KHDRBS2: variants seen among roughly 807,000 people sequenced by gnomAD.
The protein encoded by KHDRBS2 is KH domain-containing, RNA-binding, signal transduction-associated protein 2.
Under a neutral mutation model 44.3 loss-of-function variants are expected in KHDRBS2, and 26 were observed. The observed-to-expected ratio is 0.59, with a 90% CI of 0.43 to 0.81. The LOEUF (loss-of-function observed/expected upper bound fraction) is 0.81, where lower values mean the gene tolerates loss of function less well. Ranked by LOEUF, KHDRBS2 falls within the 40% of genes least tolerant of loss-of-function variation. The probability of loss-of-function intolerance (pLI) is 0.00; values close to 1 mark genes in which losing one functional copy is unlikely to be tolerated. For missense variants in KHDRBS2, 476 were observed against 433.1 expected (o/e 1.10, Z -0.88); for synonymous variants, 194 against 151.1 (o/e 1.28, Z -2.08).
At position 62,169,034 on chromosome 6, in the gene KHDRBS2, CATATAT is replaced by C. The variant is rs369570219; in HGVS notation, c.219+8145_219+8150del. Among the ~76,000 whole-genome samples the C allele has an allele frequency of 3.6e-3, 260 of 72,588 alleles. 3 individuals carry two copies. Among genetic ancestry groups the C allele is most frequent in the East Asian group, 0.025 (56 of 2,276 alleles). 47.6% of individuals were successfully genotyped at this position (72,588 alleles called of 152,430 possible). ...TTAAGAATAGTGTTTGTTCTCCAGT[CATATAT>C]ATATATATATATATATATATATGTA... On this transcript the variant is annotated intron_variant, in intron 2 of 8. Coordinates refer to ENST00000281156, the MANE Select transcript of KHDRBS2 (RefSeq NM_152688.4).
the KHDRBS2 span, among the ~76,000 whole-genome samples, chr6:61,634,836 A>T: frequency 6.6e-6 from 1 of 152,028 alleles, no homozygotes; most frequent in Non-Finnish European, 1.5e-5. Flanking sequence ...AATACTGTGG[A>T]TACTTAAAAA....
chr6:62,130,485 T>C (rs1810030429), intron 2 of KHDRBS2, among the ~76,000 whole-genome samples: 1 of 152,184 alleles, frequency 6.6e-6, no homozygotes, highest in African/African-American at 2.4e-5. Context: ...TTACAATTGT[T>C]ATGAAGATAA....
intron 3 of KHDRBS2, among the ~76,000 whole-genome samples, chr6:62,002,581 T>G (rs1778458101): frequency 6.6e-6 from 1 of 151,266 alleles, no homozygotes; most frequent in Non-Finnish European, 1.5e-5. Flanking sequence ...TTTTTAAAAA[T>G]AAATTGTTTA....
chr6:61,988,021 C>A (rs536680105), intron 3 of KHDRBS2, among the ~76,000 whole-genome samples: 1 of 152,110 alleles, frequency 6.6e-6, no homozygotes, highest in Non-Finnish European at 1.5e-5. Flanking sequence ...TAAAAAGTAG[C>A]CCAGGATTCT....
rs796567285 is a variant in KHDRBS2, at chr6:61,808,953, A to G, written c.811-76189T>C. ...GAAATTCAATTAAATTTGGCATAAA[A>G]TGTGTTTAGAAAATTTGTTAAACGC... is the stretch of plus-strand genomic sequence containing the variant. On this transcript the variant is annotated intron_variant, in intron 6 of 8. Coordinates refer to ENST00000281156, the MANE Select transcript of KHDRBS2 (RefSeq NM_152688.4). 2.3e-3 allele frequency among the ~76,000 whole-genome samples: 343 copies of G among 152,216 alleles called. 2 individuals are homozygous for G. Among genetic ancestry groups the G allele is most frequent in the African/African-American group, 8.0e-3 (334 of 41,556 alleles).
At chr6:61,610,508 A>G in the KHDRBS2 span, among the ~76,000 whole-genome samples, 3 of 152,158 alleles carry the variant, frequency 2.0e-5, no homozygotes, top group Non-Finnish European at 1.5e-5. Flanking sequence ...ACAATGGCTG[A>G]GGCTGTAGTC....
the KHDRBS2 span, among the ~76,000 whole-genome samples, chr6:61,646,100 C>G: frequency 6.6e-6 from 1 of 152,090 alleles, no homozygotes. Flanking sequence ...AAGGATTAAA[C>G]GAGTCAGTCC....
chr6:61,631,335 A>AT, the KHDRBS2 span, among the ~76,000 whole-genome samples: 1 of 104,724 alleles, frequency 9.5e-6, no homozygotes. Context: ...AAAAAAAAAA[A>AT]AAGACAATAC....
intron 5 of KHDRBS2, among the ~76,000 whole-genome samples, chr6:61,897,131 T>A (rs947837375): frequency 2.0e-5 from 3 of 152,156 alleles, no homozygotes; most frequent in African/African-American, 7.2e-5. Context: ...GTTCCTTATA[T>A]CAGAAGTTTC....
At chr6:61,786,401 A>G (rs1783814720) in intron 6 of KHDRBS2, among the ~76,000 whole-genome samples, 1 of 152,064 alleles carries the variant, frequency 6.6e-6, no homozygotes, top group Non-Finnish European at 1.5e-5. Flanking sequence ...TTAATAAGCA[A>G]TTTGAATGAA....
chr6:62,206,781 C>G (rs987158459), intron 1 of KHDRBS2, among the ~76,000 whole-genome samples: 1 of 151,908 alleles, frequency 6.6e-6, no homozygotes, highest in Non-Finnish European at 1.5e-5. Context: ...ATGACTCTTA[C>G]GTGGACAGTA....
At chr6:61,637,266 G>A in the KHDRBS2 span, among the ~76,000 whole-genome samples, 1 of 150,904 alleles carries the variant, frequency 6.6e-6, no homozygotes, top group African/African-American at 2.4e-5. Context: ...TTCCACCTAT[G>A]AGTGAGAATA....
chr6:62,156,927 C>T (rs1469313229), intron 2 of KHDRBS2, among the ~76,000 whole-genome samples: 10 of 149,520 alleles, frequency 6.7e-5, no homozygotes, highest in East Asian at 2.0e-4. Flanking sequence ...CCTCGTGATC[C>T]GCCCGCCTCG....
intron 6 of KHDRBS2, among the ~76,000 whole-genome samples, chr6:61,764,430 C>T (rs1779703860): frequency 6.6e-6 from 1 of 152,122 alleles, no homozygotes. Flanking sequence ...AATGGTTGAA[C>T]TATTAGGTTG....
intron 2 of KHDRBS2, among the ~76,000 whole-genome samples, chr6:62,137,167 ATTTG>A (rs1044421727): frequency 6.6e-6 from 1 of 151,624 alleles, no homozygotes; most frequent in Non-Finnish European, 1.5e-5. Flanking sequence ...TGCCCGGCTA[ATTTG>A]TTTGTATTTT....
chr6:62,107,569 T>C (rs1335484771), intron 2 of KHDRBS2, among the ~76,000 whole-genome samples: 2 of 152,174 alleles, frequency 1.3e-5, no homozygotes, highest in African/African-American at 2.4e-5. Flanking sequence ...CCAATGACTT[T>C]CTTCACAGAA....
chr6:62,099,339 C>G (rs1211809060), intron 2 of KHDRBS2, among the ~76,000 whole-genome samples: 3 of 152,186 alleles, frequency 2.0e-5, no homozygotes, highest in Admixed American at 6.5e-5. Context: ...ATCACTACCA[C>G]AGTTTCACCT....
chr6:61,824,479 CT>C (rs1181873235), intron 6 of KHDRBS2, among the ~76,000 whole-genome samples: 1 of 152,038 alleles, frequency 6.6e-6, no homozygotes, highest in African/African-American at 2.4e-5. Flanking sequence ...CTTGTTAAGC[CT>C]GTGGAACTGT....
At chr6:62,055,231 A>G (rs1387275128) in intron 2 of KHDRBS2, among the ~76,000 whole-genome samples, 1 of 152,026 alleles carries the variant, frequency 6.6e-6, no homozygotes, top group Admixed American at 6.6e-5. Flanking sequence ...ACAAAAACAA[A>G]TATAGAACTA....
Sources: allele counts gnomAD v4.1 joint callset (sites outside exome capture counted in the v4.1 genomes callset), GRCh38; gene constraint gnomAD v4.1.1; transcripts MANE v1.5; gene names NCBI Gene and HGNC (gene_info 2026-07-23, HGNC 2026-07-21).